Variants in LHFPL2 observed in about 807,000 individuals in gnomAD.
LHFPL2 encodes the protein LHFPL tetraspan subfamily member 2 protein.
In LHFPL2, 7 loss-of-function variants were observed where a neutral mutation model predicts 17.5. That is an observed-to-expected ratio of 0.40 (90% CI 0.23 to 0.75). LHFPL2 has a LOEUF of 0.75. LHFPL2 is among the 30% of genes least tolerant of loss of function. The pLI is 0.37. For synonymous variants in LHFPL2, 134 were observed against 116.2 expected (o/e 1.15, Z -0.99); for missense variants, 241 against 294.8 (o/e 0.82, Z 1.34).
At position 78,510,100 on chromosome 5, in the gene LHFPL2, C is replaced by G; in HGVS notation, c.114G>C (p.Ala38=). 6.2e-7 allele frequency: 1 copy of G among 1,612,976 alleles called. No homozygotes were observed. Among genetic ancestry groups the G allele is most frequent in the Non-Finnish European group, 8.5e-7 (1 of 1,179,468 alleles). ...FMSADWLIGK[A]RSRGGVEPAG... is the part of the protein sequence containing the mutation. ...CCGGCTCCACGCCGCCGCGGCTCCT[C>G]GCTTTCCCGATCAGCCAGTCTGCAC... The change falls in exon 4 of 5, where the codon GCG becomes GCC. Residue 38 remains alanine, a synonymous_variant. Coordinates refer to ENST00000380345, the MANE Select transcript of LHFPL2 (RefSeq NM_005779.3).
chr5:78,583,924 C>T (rs1743255987), intron 2 of LHFPL2, among the ~76,000 whole-genome samples: 2 of 151,802 alleles, frequency 1.3e-5, no homozygotes, highest in African/African-American at 2.4e-5. Context: ...GTACACCAAT[C>T]AGACGTAGAT....
chr5:78,485,891 A>T lies in LHFPL2; in HGVS notation c.*3006T>A, dbSNP rs542482622. 6.6e-6 allele frequency: 1 copy of T among 152,648 alleles called. No homozygotes were observed. Among genetic ancestry groups the T allele is most frequent in the Non-Finnish European group, 1.5e-5 (1 of 68,040 alleles). 9.5% of individuals were successfully genotyped at this position (152,648 alleles called of 1,614,324 possible). On this transcript the variant is annotated 3_prime_UTR_variant, in exon 5 of 5. Transcript: ENST00000380345. ...ATGATTTCATACCAGTCTTTTCTTC[A>T]CATAAGATTTGTGTAGCATTAAAAT...
intron 4 of LHFPL2, among the ~76,000 whole-genome samples, chr5:78,507,941 T>TACAC (rs10562386): frequency 0.01 from 1,531 of 148,552 alleles, 32 homozygotes; most frequent in Admixed American, 0.059. Flanking sequence ...TACACATGCA[T>TACAC]ACACACACAC....
intron 4 of LHFPL2, among the ~76,000 whole-genome samples, chr5:78,498,807 A>C (rs987269346): frequency 2.0e-5 from 3 of 152,256 alleles, no homozygotes; most frequent in African/African-American, 7.2e-5. Context: ...AATAATAAAA[A>C]GTGGATAACC....
intron 2 of LHFPL2, among the ~76,000 whole-genome samples, chr5:78,613,116 C>T (rs1415397653): frequency 3.3e-5 from 5 of 152,158 alleles, no homozygotes; most frequent in African/African-American, 1.2e-4. Context: ...GGGGCAAGGC[C>T]AAGGAATGAG....
At chr5:78,582,530 C>T (rs908548573) in intron 2 of LHFPL2, among the ~76,000 whole-genome samples, 8 of 151,386 alleles carry the variant, frequency 5.3e-5, no homozygotes, top group African/African-American at 1.9e-4. Flanking sequence ...TTTGTGCCTT[C>T]ATTTCGTTAT....
intron 2 of LHFPL2, among the ~76,000 whole-genome samples, chr5:78,622,302 TG>T (rs1244340338): frequency 6.6e-6 from 1 of 152,192 alleles, no homozygotes; most frequent in Non-Finnish European, 1.5e-5. Context: ...CAGAAGGCAC[TG>T]GATTACTCAA....
chr5:78,552,223 T>G (rs1473737575), intron 3 of LHFPL2, among the ~76,000 whole-genome samples: 1 of 151,376 alleles, frequency 6.6e-6, no homozygotes, highest in Non-Finnish European at 1.5e-5. Context: ...AAGCTCCGCC[T>G]CCCAGGTTCA....
chr5:78,521,646 G>A (rs181768529), intron 3 of LHFPL2, among the ~76,000 whole-genome samples: 1 of 152,338 alleles, frequency 6.6e-6, no homozygotes, highest in Admixed American at 6.5e-5. Flanking sequence ...GAGAGGTTCT[G>A]ATAAGATAAA....
intron 1 of LHFPL2, among the ~76,000 whole-genome samples, chr5:78,635,520 C>T (rs559740300): frequency 6.6e-5 from 10 of 152,334 alleles, no homozygotes; most frequent in Admixed American, 2.0e-4. Flanking sequence ...AAAACAAAAC[C>T]GGCCAGGCAC....
intron 3 of LHFPL2, among the ~76,000 whole-genome samples, chr5:78,548,014 A>G (rs531613938): frequency 2.0e-5 from 3 of 152,378 alleles, no homozygotes; most frequent in East Asian, 1.9e-4. Context: ...AGATTTACAA[A>G]GCACTCGGGA....
chr5:78,619,669 A>G (rs1205590431), intron 2 of LHFPL2, among the ~76,000 whole-genome samples: 1 of 113,438 alleles, frequency 8.8e-6, no homozygotes, highest in Non-Finnish European at 1.7e-5. Flanking sequence ...ACCCCACAAC[A>G]GGCCCCAGAG....
Position 78,618,260 on chromosome 5 carries a change from G to A in LHFPL2, c.-245+14004C>T, listed in dbSNP as rs185894020. Among the ~76,000 whole-genome samples, 6 of 152,208 alleles carry A rather than the reference G, an allele frequency of 3.9e-5. No homozygotes were observed. In the East Asian group the frequency reaches 7.7e-4, roughly 20 times the overall value. ...ACGAACTGTCTCTCAAGAAGCTTCC[G>A]TAGTAAGTTTTTATAAGAGCACCAG... On this transcript the variant is annotated intron_variant, in intron 2 of 4. Coordinates refer to ENST00000380345, the MANE Select transcript of LHFPL2 (RefSeq NM_005779.3).
chr5:78,573,018 G>A (rs1038058228), intron 2 of LHFPL2, among the ~76,000 whole-genome samples: 5 of 152,250 alleles, frequency 3.3e-5, no homozygotes, highest in East Asian at 3.9e-4. Context: ...CGTAATGCTC[G>A]CTCGCCTGGT....
chr5:78,601,296 T>C (rs1744003217), intron 2 of LHFPL2, among the ~76,000 whole-genome samples: 1 of 152,198 alleles, frequency 6.6e-6, no homozygotes. Flanking sequence ...TTGGTGTGCC[T>C]TGAGATTTAC....
intron 4 of LHFPL2, among the ~76,000 whole-genome samples, chr5:78,489,571 G>A (rs1179539034): frequency 1.3e-5 from 2 of 152,042 alleles, no homozygotes; most frequent in South Asian, 2.1e-4. Flanking sequence ...ACCTGGCTAA[G>A]TTTTTAAGTA....
intron 2 of LHFPL2, among the ~76,000 whole-genome samples, chr5:78,622,441 T>C (rs1368196999): frequency 1.3e-5 from 2 of 152,160 alleles, no homozygotes; most frequent in Admixed American, 6.5e-5. Flanking sequence ...ATCCCCATCT[T>C]GCAGATGAGA....
intron 3 of LHFPL2, among the ~76,000 whole-genome samples, chr5:78,525,747 T>C (rs1287043386): frequency 1.3e-5 from 2 of 152,174 alleles, no homozygotes; most frequent in Non-Finnish European, 2.9e-5. Flanking sequence ...AAAAACTGCT[T>C]GAAGACACAA....
At chr5:78,582,982 C>A (rs1743206183) in intron 2 of LHFPL2, among the ~76,000 whole-genome samples, 1 of 152,154 alleles carries the variant, frequency 6.6e-6, no homozygotes, top group Non-Finnish European at 1.5e-5. Context: ...GTATTGGGTG[C>A]ATATATATTT....
Sources: gnomAD v4.1 joint callset for allele counts (sites outside exome capture counted in the v4.1 genomes callset) on GRCh38, gnomAD v4.1.1 for gene constraint, MANE v1.5 for transcripts, NCBI Gene and HGNC (gene_info 2026-07-23, HGNC 2026-07-21) for gene names.